The following TJP1 variants were observed in gnomAD, a reference collection of about 807,000 sequenced individuals.
TJP1 encodes tight junction protein ZO-1.
Under a neutral mutation model 194.2 loss-of-function variants are expected in TJP1, and 43 were observed. That is an observed-to-expected ratio of 0.22 (90% CI 0.17 to 0.29). The LOEUF (loss-of-function observed/expected upper bound fraction) is 0.29. Ranked by LOEUF, TJP1 falls within the 10% of genes least tolerant of loss-of-function variation. TJP1 has a pLI of 1.00. For missense variants in TJP1, 1,971 were observed against 2,185.7 expected (o/e 0.90, Z 1.96); for synonymous variants, 801 against 779.0 (o/e 1.03, Z -0.47).
intron 1 of TJP1, among the ~76,000 whole-genome samples, chr15:29,819,736 C>G (rs958418289): frequency 1.1e-4 from 16 of 152,184 alleles, no homozygotes; most frequent in Non-Finnish European, 1.8e-4. Flanking sequence ...CTGTCTCCAT[C>G]CAGAAAATAC....
intron 1 of TJP1, among the ~76,000 whole-genome samples, chr15:29,813,710 A>G (rs1171843961): frequency 6.6e-6 from 1 of 152,198 alleles, no homozygotes; most frequent in Non-Finnish European, 1.5e-5. Context: ...AAGGGAGGAT[A>G]TGACCCAGAA....
rs570714278 is a variant in TJP1 at position 29,847,641 on chromosome 15, C to T, written c.307-46939G>A. Among the ~76,000 whole-genome samples the T allele has an allele frequency of 7.2e-5, 11 of 152,068 alleles. No individual in the cohort carries two copies. In the East Asian group the frequency reaches 9.7e-4, roughly 13 times the overall value. ...TCTACTAAAAATACAAAAAATTAGC[C>T]GGGCGAGGTGGTGCGTGCCTGTAGT... On this transcript the variant is annotated intron_variant, in intron 2 of 28. Transcript: ENST00000356107.
chr15:29,814,791 T>C (rs2049791365), intron 1 of TJP1, among the ~76,000 whole-genome samples: 1 of 152,216 alleles, frequency 6.6e-6, no homozygotes, highest in South Asian at 2.1e-4. Flanking sequence ...CATTCACCAG[T>C]TAACTCACTT....
chr15:29,760,269 G>A, intron 8 of TJP1: 1 of 702,198 alleles, frequency 1.4e-6, no homozygotes, highest in Non-Finnish European at 2.6e-6. Flanking sequence ...TGGAGAGAAG[G>A]ATCATAATTT....
At chr15:29,968,520 CGGCGCGCCCCGCGT>C in intron 1 of TJP1, 1 of 806,204 alleles carries the variant, frequency 1.2e-6, no homozygotes, top group Non-Finnish European at 1.5e-6. Flanking sequence ...GCGCCCCGCG[CGGCGCGCCCCGCGT>C]CCCGTCGGGC....
chr15:29,824,501 A>G (rs556879370), upstream of TJP1, among the ~76,000 whole-genome samples: 193 of 152,022 alleles, frequency 1.3e-3, no homozygotes, highest in South Asian at 2.9e-3. Flanking sequence ...TGGGAGGCCA[A>G]GACCAGAGGA....
chr15:29,953,676 A>G (rs2055839442), intron 2 of TJP1, among the ~76,000 whole-genome samples: 1 of 152,204 alleles, frequency 6.6e-6, no homozygotes, highest in Non-Finnish European at 1.5e-5. Flanking sequence ...CTAACAATCT[A>G]AAAACATGCA....
intron 2 of TJP1, among the ~76,000 whole-genome samples, chr15:29,952,367 C>G (rs1196082119): frequency 2.0e-5 from 3 of 152,180 alleles, no homozygotes; most frequent in Non-Finnish European, 4.4e-5. Context: ...GGATGCCAAT[C>G]AATTATCCTG....
At chr15:29,745,375 A>G (rs532858246) in intron 8 of TJP1, among the ~76,000 whole-genome samples, 65 of 152,214 alleles carry the variant, frequency 4.3e-4, no homozygotes, top group African/African-American at 1.5e-3. Context: ...TTTTAATTAC[A>G]TAAAAAAATC....
chr15:29,949,553 A>T (rs1383367779), intron 2 of TJP1, among the ~76,000 whole-genome samples: 104 of 84,354 alleles, frequency 1.2e-3, no homozygotes, highest in South Asian at 2.9e-3. Flanking sequence ...CACCTCCACA[A>T]CCACCACCTC....
intron 2 of TJP1, among the ~76,000 whole-genome samples, chr15:29,850,628 C>T (rs1449534457): frequency 2.0e-5 from 3 of 151,996 alleles, no homozygotes. Flanking sequence ...AGCCACCGCG[C>T]CCAGCCAAAT....
At chr15:29,717,968 AG>A in intron 22 of TJP1, 52 bp downstream of exon 22, 1 of 1,457,454 alleles carries the variant, frequency 6.9e-7, no homozygotes, top group Non-Finnish European at 9.5e-7. Flanking sequence ...ATTGACTAAG[AG>A]GGTTAAATTC....
intron 2 of TJP1, among the ~76,000 whole-genome samples, chr15:29,953,714 T>C (rs914675834): frequency 3.3e-5 from 5 of 152,156 alleles, no homozygotes; most frequent in African/African-American, 7.2e-5. Flanking sequence ...TGTAAATTGT[T>C]GCTCCACCAC....
chr15:29,963,269 C>T (rs1001688016), intron 1 of TJP1, among the ~76,000 whole-genome samples: 32 of 152,144 alleles, frequency 2.1e-4, no homozygotes, highest in Non-Finnish European at 8.8e-5. Flanking sequence ...CGGGCAATTA[C>T]CAGTCATTTT....
At chr15:29,872,353 T>C (rs1250508017) in intron 2 of TJP1, among the ~76,000 whole-genome samples, 2 of 152,116 alleles carry the variant, frequency 1.3e-5, no homozygotes, top group Non-Finnish European at 2.9e-5. Context: ...GAACTCAAAT[T>C]CAAATTTAAA....
In TJP1 at chr15:29,830,180, T is replaced by A. The variant is rs1775579473; in HGVS notation, c.307-29478A>T. On this transcript the variant is annotated intron_variant, in intron 2 of 28. Coordinates refer to the TJP1 transcript ENST00000356107. ...AGTGGCACTGTAAAAAAATCTTAAA[T>A]TTAATTCAGTAGTCTTTTAGTAATA... is the stretch of plus-strand genomic sequence containing the variant. Among the ~76,000 whole-genome samples the A allele has an allele frequency of 2.0e-5, 3 of 151,956 alleles. No homozygotes were observed. The South Asian group carries it at 6.2e-4, about 31-fold the overall frequency.
chr15:29,718,465 A>G lies in TJP1; in HGVS notation c.3677T>C (p.Leu1226Pro). The change falls in exon 21 of 28, where the codon CTG (leucine) becomes CCG (proline). Residue 1226 changes from leucine (L) to proline (P), a missense_variant. Leu to Pro is a moderately conservative substitution (Grantham distance 98, BLOSUM62 -3). Transcript: ENST00000614355. ...TGGCTTATGCTGAGATGAAGGTATC[A>G]GCGGAGGGACAGCTGCAGCACCATG... ...PLHGAAAVPP[L>P]IPSSQHKPEA... The G allele has an allele frequency of 6.2e-7, 1 of 1,614,182 alleles. No individual in the cohort carries two copies. Among genetic ancestry groups the G allele is most frequent in the East Asian group, 2.2e-5 (1 of 44,874 alleles).
intron 2 of TJP1, among the ~76,000 whole-genome samples, chr15:29,773,823 C>T (rs1345370017): frequency 2.0e-5 from 3 of 152,136 alleles, no homozygotes; most frequent in Non-Finnish European, 2.9e-5. Flanking sequence ...CAACTTCTGC[C>T]AACTCCTAAA....
intron 5 of TJP1, among the ~76,000 whole-genome samples, chr15:29,765,014 G>C (rs45578131): frequency 0.022 from 3,329 of 152,218 alleles, 123 homozygotes; most frequent in African/African-American, 0.077. Context: ...ACGTTATAAA[G>C]GGCAGGGTGA....
Sources: gnomAD v4.1 joint callset for allele counts (sites outside exome capture counted in the v4.1 genomes callset) on GRCh38, gnomAD v4.1.1 for gene constraint, MANE v1.5 for transcripts, NCBI Gene and HGNC (gene_info 2026-07-23, HGNC 2026-07-21) for gene names.